The following CDH4 variants were observed in gnomAD, a reference collection of about 807,000 sequenced individuals.
CDH4 encodes cadherin-4.
In CDH4, 33 loss-of-function variants were observed where a neutral mutation model predicts 86.0. That is an observed-to-expected ratio of 0.38 (90% CI 0.29 to 0.51). The LOEUF (loss-of-function observed/expected upper bound fraction) is 0.51, where lower values mean the gene tolerates loss of function less well. CDH4 is among the 20% of genes least tolerant of loss of function. The pLI is 0.86. For missense variants in CDH4, 1,114 were observed against 1,307.4 expected (o/e 0.85, Z 2.28); for synonymous variants, 555 against 549.4 (o/e 1.01, Z -0.14).
chr20:61,446,440 TAAAC>T (rs1310666071), intron 2 of CDH4, among the ~76,000 whole-genome samples: 1 of 152,258 alleles, frequency 6.6e-6, no homozygotes, highest in Non-Finnish European at 1.5e-5. Flanking sequence ...GTCATACTTT[TAAAC>T]AAACAGTCTT....
At chr20:61,614,661 G>C (rs1327512313) in intron 2 of CDH4, among the ~76,000 whole-genome samples, 1 of 152,122 alleles carries the variant, frequency 6.6e-6, no homozygotes, top group Non-Finnish European at 1.5e-5. Flanking sequence ...TGGAGAATTG[G>C]TTGGTGTCAG....
chr20:61,756,146 G>C (rs1200055077), intron 3 of CDH4, among the ~76,000 whole-genome samples: 1 of 152,210 alleles, frequency 6.6e-6, no homozygotes, highest in African/African-American at 2.4e-5. Context: ...GGAGGTGCAG[G>C]CTTCGTTAGC....
chr20:61,257,384 C>A (rs183948114), intron 2 of CDH4, among the ~76,000 whole-genome samples: 69 of 152,370 alleles, frequency 4.5e-4, no homozygotes, highest in African/African-American at 1.6e-3. Context: ...CTAAAAATTT[C>A]ATGCTAATTA....
chr20:61,574,383 T>C (rs955445843), intron 2 of CDH4, among the ~76,000 whole-genome samples: 6 of 152,218 alleles, frequency 3.9e-5, no homozygotes, highest in African/African-American at 1.2e-4. Context: ...GGCATCTCAC[T>C]GCAGTGGGAG....
At chr20:61,335,214 C>T (rs1663217919) in intron 2 of CDH4, among the ~76,000 whole-genome samples, 1 of 152,176 alleles carries the variant, frequency 6.6e-6, no homozygotes, top group Admixed American at 6.5e-5. Flanking sequence ...TGTGCAGGGG[C>T]CAAGCCAGCA....
chr20:61,565,146 T>TTGGGGTGGTGA (rs751113453), intron 2 of CDH4, among the ~76,000 whole-genome samples: 1 of 93,256 alleles, frequency 1.1e-5, no homozygotes, highest in Non-Finnish European at 2.1e-5. Context: ...CCTCTTGGTG[T>TTGGGGTGGTGA]TGGTAGTGGT....
intron 2 of CDH4, among the ~76,000 whole-genome samples, chr20:61,617,841 C>T (rs1234658987): frequency 6.6e-6 from 1 of 152,320 alleles, no homozygotes; most frequent in South Asian, 2.1e-4. Context: ...TGAATTGTAG[C>T]TCCCATAATT....
At chr20:61,599,168 G>A (rs1259796293) in intron 2 of CDH4, among the ~76,000 whole-genome samples, 1 of 152,178 alleles carries the variant, frequency 6.6e-6, no homozygotes. Flanking sequence ...GTCGCTCTTG[G>A]AGAGCTGGCT....
chr20:61,854,556 CCCCCAGGG>C (rs1387182053), intron 6 of CDH4, among the ~76,000 whole-genome samples: 17 of 140,316 alleles, frequency 1.2e-4, no homozygotes, highest in East Asian at 6.6e-4. Context: ...CTTTGGCCCA[CCCCCAGGG>C]CTGCAGTGTG....
chr20:61,652,021 T>C (rs1243567747), intron 2 of CDH4, among the ~76,000 whole-genome samples: 1 of 152,196 alleles, frequency 6.6e-6, no homozygotes, highest in East Asian at 1.9e-4. Flanking sequence ...GAACAGTTTC[T>C]CTTCCACACA....
chr20:61,771,758 A>G (rs541081624), intron 3 of CDH4, among the ~76,000 whole-genome samples: 3 of 152,326 alleles, frequency 2.0e-5, no homozygotes, highest in East Asian at 3.9e-4. Context: ...AATGATTATA[A>G]TATTCCAAGA....
chr20:61,757,206 C>T (rs1469974328), intron 3 of CDH4, among the ~76,000 whole-genome samples: 2 of 151,890 alleles, frequency 1.3e-5, no homozygotes, highest in African/African-American at 2.4e-5. Context: ...GGTATCTCCA[C>T]GCGTGTTTCT....
rs375811887 is a variant in CDH4, at chr20:61,535,547, T to C, written c.170-208016T>C. ...TAAGTAGAATGTTTTTAGAAATAAA[T>C]TACATATGGGAAAGTCAGAAGCAGT... is the stretch of plus-strand genomic sequence containing the variant. On this transcript the variant is annotated intron_variant, in intron 2 of 15. Coordinates refer to ENST00000614565, the MANE Select transcript of CDH4 (RefSeq NM_001794.5). Among the ~76,000 whole-genome samples, 8 of 152,328 alleles carry C rather than the reference T, an allele frequency of 5.3e-5. No individual in the cohort carries two copies. In the East Asian group the frequency reaches 9.7e-4, roughly 18 times the overall value.
At chr20:61,332,297 T>A (rs1428209973) in intron 2 of CDH4, among the ~76,000 whole-genome samples, 1 of 152,198 alleles carries the variant, frequency 6.6e-6, no homozygotes, top group East Asian at 1.9e-4. Flanking sequence ...TCTGTGGCTA[T>A]GGATTCAGAG....
At chr20:61,373,179 TCTCAACACCCAGGTGTGTGTC>T (rs1338996172) in intron 2 of CDH4, among the ~76,000 whole-genome samples, 7 of 152,070 alleles carry the variant, frequency 4.6e-5, no homozygotes, top group African/African-American at 1.4e-4. Context: ...CCCGCCCCCG[TCTCAACACCCAGGTGTGTGTC>T]CTGCCGGCCC....
chr20:61,323,285 C>A (rs2084519118), intron 2 of CDH4, among the ~76,000 whole-genome samples: 1 of 152,098 alleles, frequency 6.6e-6, no homozygotes, highest in Non-Finnish European at 1.5e-5. Flanking sequence ...GCAGGTCAGC[C>A]CCTGTCCCCT....
chr20:61,810,979 C>T lies in CDH4; in HGVS notation c.577-33689C>T, dbSNP rs563147587. Reference sequence around the variant, plus strand: ...ACTGCAAATGATGCTGCATTTGTAACGGGAGCTAGAAAGGAATCAGTCAAA... The same window carrying T: ...ACTGCAAATGATGCTGCATTTGTAATGGGAGCTAGAAAGGAATCAGTCAAA... On this transcript the variant is annotated intron_variant, in intron 4 of 15. Coordinates refer to ENST00000614565, the MANE Select transcript of CDH4 (RefSeq NM_001794.5). This position sits in a 1 kb window ranked among gnomAD's most constrained non-coding sequence, Gnocchi z 4.3. Among the ~76,000 whole-genome samples, 25 of 152,268 alleles carry T rather than the reference C, an allele frequency of 1.6e-4. No homozygotes were observed. The highest frequency in any genetic ancestry group is 5.8e-4 in the African/African-American group (24 of 41,556).
chr20:61,731,846 G>C (rs879758897), intron 2 of CDH4, among the ~76,000 whole-genome samples: 5 of 152,152 alleles, frequency 3.3e-5, no homozygotes, highest in Non-Finnish European at 7.4e-5. Flanking sequence ...AGGACTCGGG[G>C]GCTGCACAGC....
At chr20:61,497,886 G>A (rs76221483) in intron 2 of CDH4, among the ~76,000 whole-genome samples, 15 of 152,092 alleles carry the variant, frequency 9.9e-5, no homozygotes, top group Admixed American at 3.3e-4. Flanking sequence ...CATAAAAAAG[G>A]ATGCGTTCAT....
Sources: gnomAD v4.1 joint callset for allele counts (sites outside exome capture counted in the v4.1 genomes callset) on GRCh38, gnomAD v4.1.1 for gene constraint, Gnocchi (gnomAD v3.1) non-coding constraint, MANE v1.5 for transcripts, NCBI Gene and HGNC (gene_info 2026-07-23, HGNC 2026-07-21) for gene names.